Variants in GPHN observed in about 807,000 individuals in gnomAD.
GPHN encodes the protein gephyrin.
GPHN carries 17 observed loss-of-function variants against 95.5 expected under a neutral mutation model. The ratio of observed to expected loss-of-function variants is 0.18; its 90% confidence interval spans 0.12 to 0.27. The LOEUF (loss-of-function observed/expected upper bound fraction) is 0.27, where lower values mean the gene tolerates loss of function less well. Ranked by LOEUF, GPHN falls within the 10% of genes least tolerant of loss-of-function variation. GPHN has a pLI of 1.00. For missense variants in GPHN, 660 were observed against 978.1 expected (o/e 0.67, Z 4.34); for synonymous variants, 320 against 322.5 (o/e 0.99, Z 0.08).
At chr14:67,606,284 TG>T in the GPHN span, among the ~76,000 whole-genome samples, 313 of 152,320 alleles carry the variant, frequency 2.1e-3, 2 homozygotes, top group Admixed American at 5.6e-3. Context: ...CTCCATCTTG[TG>T]GATTTCTAGA....
rs146862144 is a variant in GPHN at position 66,808,539 on chromosome 14, G to A, written c.202-15935G>A. On this transcript the variant is annotated intron_variant, in intron 3 of 22. Coordinates refer to ENST00000478722, the MANE Select transcript of GPHN (RefSeq NM_020806.5). ...TTTTAGACCAGGCGCGGTGGCTCACGCCTGTAATCCCAACACTTTGGGAGG... is the reference window on the plus strand; with the variant it reads ...TTTTAGACCAGGCGCGGTGGCTCACACCTGTAATCCCAACACTTTGGGAGG... Among the ~76,000 whole-genome samples, 254 of 152,288 alleles carry A rather than the reference G, an allele frequency of 1.7e-3. 3 individuals are homozygous for A. The East Asian group carries it at 0.037, about 22-fold the overall frequency.
chr14:67,270,972 A>G, the GPHN span: 1 of 152,236 alleles, frequency 6.6e-6, no homozygotes, highest in Non-Finnish European at 1.5e-5. Flanking sequence ...TGGGATAGAC[A>G]CAAATGAGGA....
chr14:67,677,630 T>C, the GPHN span: 1 of 152,182 alleles, frequency 6.6e-6, no homozygotes, highest in African/African-American at 2.4e-5. Flanking sequence ...TACCAACATA[T>C]ACAGAATCTG....
At chr14:66,935,223 G>A (rs2067050124) in intron 8 of GPHN, among the ~76,000 whole-genome samples, 1 of 151,978 alleles carries the variant, frequency 6.6e-6, no homozygotes, top group South Asian at 2.1e-4. Context: ...AGACAAAGAG[G>A]GAAGCTATCC....
chr14:67,578,092 A>G, the GPHN span: 1 of 1,613,700 alleles, frequency 6.2e-7, no homozygotes, highest in South Asian at 1.1e-5. The surrounding 1 kb of genome is among the most constrained non-coding windows in gnomAD (Gnocchi z 5.0). Flanking sequence ...CCTGGCCCAG[A>G]CCGCACTGCA....
At chr14:67,537,039 C>CAAT in the GPHN span, among the ~76,000 whole-genome samples, 67 of 147,222 alleles carry the variant, frequency 4.6e-4, 1 homozygote, top group Middle Eastern at 3.3e-3. Flanking sequence ...GACTCCATCT[C>CAAT]AATAATAATA....
chr14:67,179,471 G>C (rs2083205539), intron 21 of GPHN, 107 bp from the exon 22 acceptor site: 2 of 728,536 alleles, frequency 2.7e-6, no homozygotes, highest in Non-Finnish European at 5.1e-6. Flanking sequence ...AGAATACCAA[G>C]GTTAGTCTCC....
chr14:66,669,509 T>A (rs907132692), intron 1 of GPHN, among the ~76,000 whole-genome samples: 4 of 152,078 alleles, frequency 2.6e-5, no homozygotes, highest in African/African-American at 7.2e-5. Flanking sequence ...TATTTTTTTT[T>A]AAATGTATCC....
At chr14:67,661,529 CTTT>C in the GPHN span, among the ~76,000 whole-genome samples, 9 of 110,060 alleles carry the variant, frequency 8.2e-5, no homozygotes, top group Admixed American at 3.0e-4. Context: ...GAACAGTAAC[CTTT>C]TTTTTTTTTT....
chr14:67,568,533 C>A, the GPHN span, among the ~76,000 whole-genome samples: 1 of 151,992 alleles, frequency 6.6e-6, no homozygotes, highest in African/African-American at 2.4e-5. Flanking sequence ...GTGCAGTAGA[C>A]CACCATGACA....
the GPHN span, among the ~76,000 whole-genome samples, chr14:67,402,895 T>G: frequency 6.6e-6 from 1 of 152,216 alleles, no homozygotes; most frequent in South Asian, 2.1e-4. Flanking sequence ...TGTGCAGATA[T>G]CTCTTCAATA....
chr14:67,352,287 T>C, the GPHN span, among the ~76,000 whole-genome samples: 107 of 151,954 alleles, frequency 7.0e-4, 1 homozygote, highest in East Asian at 0.02. Context: ...CTGGGCAACA[T>C]AGTGAGACCT....
chr14:67,729,426 A>C, the GPHN span: 10 of 1,563,618 alleles, frequency 6.4e-6, no homozygotes, highest in Non-Finnish European at 8.7e-6. Flanking sequence ...TGTGCATGGG[A>C]GGTGCCGGAC....
At chr14:67,067,975 A>G (rs1436445495) in intron 11 of GPHN, among the ~76,000 whole-genome samples, 1 of 152,160 alleles carries the variant, frequency 6.6e-6, no homozygotes, top group Non-Finnish European at 1.5e-5. Flanking sequence ...TGTCCAACCC[A>G]TCCCAATGAG....
At chr14:66,856,718 T>A (rs1363111873) in intron 4 of GPHN, among the ~76,000 whole-genome samples, 1 of 152,044 alleles carries the variant, frequency 6.6e-6, no homozygotes, top group African/African-American at 2.4e-5. Flanking sequence ...ATTGAAATAA[T>A]ATGCAAAAAC....
the GPHN span, chr14:67,382,805 A>T: frequency 7.3e-6 from 4 of 548,142 alleles, no homozygotes; most frequent in Admixed American, 6.8e-5. Context: ...TTGAATTTGC[A>T]TGTGGCATGT....
chr14:67,130,031 G>A (rs894875089), intron 17 of GPHN, among the ~76,000 whole-genome samples: 2 of 151,606 alleles, frequency 1.3e-5, no homozygotes, highest in African/African-American at 2.4e-5. Context: ...TTTTCATGTC[G>A]TTCTTTCTTC....
intron 1 of GPHN, among the ~76,000 whole-genome samples, chr14:66,619,777 T>C (rs2063210345): frequency 6.6e-6 from 1 of 152,238 alleles, no homozygotes; most frequent in Non-Finnish European, 1.5e-5. Flanking sequence ...TAATTTTATT[T>C]TCCATTTGTT....
chr14:67,362,345 ATTAGTGC>A, the GPHN span, among the ~76,000 whole-genome samples: 25 of 152,216 alleles, frequency 1.6e-4, no homozygotes, highest in Admixed American at 1.3e-4. Flanking sequence ...TTGTTGTATC[ATTAGTGC>A]TTAGTACATA....
Sources: gnomAD v4.1 joint callset for allele counts (sites outside exome capture counted in the v4.1 genomes callset) on GRCh38, gnomAD v4.1.1 for gene constraint, Gnocchi (gnomAD v3.1) non-coding constraint, MANE v1.5 for transcripts, NCBI Gene and HGNC (gene_info 2026-07-23, HGNC 2026-07-21) for gene names.